The following GRM3 variants were observed in gnomAD, a reference collection of about 807,000 sequenced individuals.
GRM3 encodes the protein metabotropic glutamate receptor 3.
In GRM3, 26 loss-of-function variants were observed where a neutral mutation model predicts 70.5. The observed-to-expected ratio is 0.37, with a 90% CI of 0.27 to 0.51. The LOEUF is 0.51. GRM3 is among the 20% of genes least tolerant of loss of function. The pLI is 0.93. For missense variants in GRM3, 859 were observed against 1,123.8 expected, an observed-to-expected ratio of 0.76 and a Z score of 3.37; for synonymous variants, 443 against 434.9, an observed-to-expected ratio of 1.02 and a Z score of -0.23.
intron 2 of GRM3, among the ~76,000 whole-genome samples, chr7:86,783,218 G>A (rs1164364314): frequency 2.0e-5 from 3 of 152,196 alleles, no homozygotes; most frequent in Non-Finnish European, 4.4e-5. Flanking sequence ...AGTCTATGGT[G>A]TATACCATAA....
In GRM3 at chr7:86,833,090, T is replaced by C. The variant is rs946458773; in HGVS notation, c.1325-5749T>C. 7.1e-6 allele frequency: 7 copies of C among 980,478 alleles called. No homozygotes were observed. In the African/African-American group the frequency reaches 8.8e-5, roughly 12 times the overall value. 60.7% of individuals were successfully genotyped at this position (980,478 alleles called of 1,614,324 possible). On this transcript the variant is annotated intron_variant, in intron 3 of 5. Transcript: ENST00000361669. ...TGATGTATTTTTCCATTTCTGATGATGCTTACTCCCATGGTGAGACTTAAC... is the reference window on the plus strand; with the variant it reads ...TGATGTATTTTTCCATTTCTGATGACGCTTACTCCCATGGTGAGACTTAAC...
rs191235687 is a variant in GRM3, at chr7:86,835,850, G to A, written c.1325-2989G>A. Among the ~76,000 whole-genome samples the A allele has an allele frequency of 4.4e-3, 669 of 152,098 alleles. 4 individuals carry two copies. Among genetic ancestry groups the A allele is most frequent in the South Asian group, 0.018 (85 of 4,804 alleles). ...TGGTCCTGAACTCCTGAGCTCAAGC[G>A]ATCCACCTACCTCAGCCTCCCAAAA... On this transcript the variant is annotated intron_variant, in intron 3 of 5. Transcript: ENST00000361669.
At chr7:86,748,202 C>G (rs1699320983) in intron 1 of GRM3, among the ~76,000 whole-genome samples, 1 of 152,008 alleles carries the variant, frequency 6.6e-6, no homozygotes, top group South Asian at 2.1e-4. Context: ...CTACAGCTGA[C>G]CATCAATCCC....
At chr7:86,813,478 A>G (rs1282645225) in intron 3 of GRM3, among the ~76,000 whole-genome samples, 2 of 151,892 alleles carry the variant, frequency 1.3e-5, no homozygotes, top group Non-Finnish European at 2.9e-5. Context: ...GATACAGAGA[A>G]CAGCAGTTGA....
chr7:86,780,890 T>G (rs2116505331), intron 2 of GRM3, among the ~76,000 whole-genome samples: 1 of 152,244 alleles, frequency 6.6e-6, no homozygotes, highest in South Asian at 2.1e-4. Context: ...GTTTATGGCT[T>G]CAGAACAAAA....
intron 3 of GRM3, among the ~76,000 whole-genome samples, chr7:86,831,675 T>C: frequency 6.6e-6 from 1 of 151,454 alleles, no homozygotes. Context: ...GTATTGACAA[T>C]TTCAACAATA....
At position 86,782,637 on chromosome 7, in the gene GRM3, A is replaced by T. The variant is rs182042390; in HGVS notation, c.469-3624A>T. 2.0e-5 allele frequency among the ~76,000 whole-genome samples: 3 copies of T among 152,292 alleles called. No individual in the cohort carries two copies. The East Asian group carries it at 5.8e-4, about 29-fold the overall frequency. On this transcript the variant is annotated intron_variant, in intron 2 of 5. Coordinates refer to ENST00000361669, the MANE Select transcript of GRM3 (RefSeq NM_000840.3). ...TTTTACAGGCTTATGTCAATCTTCT[A>T]TGTTGTATATGGGGACGCCCCCAAC... is the stretch of plus-strand genomic sequence containing the variant.
chr7:86,843,121 A>T (rs868536286), intron 4 of GRM3, among the ~76,000 whole-genome samples: 1 of 152,180 alleles, frequency 6.6e-6, no homozygotes. Context: ...TGGGCAAAAA[A>T]GTGACATGAT....
At chr7:86,716,216 C>G (rs1429278300) in intron 1 of GRM3, among the ~76,000 whole-genome samples, 1 of 151,714 alleles carries the variant, frequency 6.6e-6, no homozygotes, top group Non-Finnish European at 1.5e-5. Context: ...ACTTGACCTT[C>G]TTTAATGATA....
intron 1 of GRM3, among the ~76,000 whole-genome samples, chr7:86,715,652 G>A (rs749643622): frequency 1.3e-5 from 2 of 151,890 alleles, no homozygotes; most frequent in African/African-American, 4.8e-5. Context: ...AATTATTTGT[G>A]CTCTAGATAG....
intron 1 of GRM3, among the ~76,000 whole-genome samples, chr7:86,688,518 G>A (rs988976891): frequency 2.0e-5 from 3 of 151,212 alleles, no homozygotes; most frequent in East Asian, 1.9e-4. Context: ...AGAACTAAAG[G>A]AGTCATATAC....
chr7:86,745,047 G>A (rs574048198), intron 1 of GRM3, among the ~76,000 whole-genome samples: 166 of 152,108 alleles, frequency 1.1e-3, no homozygotes, highest in African/African-American at 3.7e-3. Context: ...ACAAAGTTGG[G>A]CTTTCACATT....
intron 1 of GRM3, among the ~76,000 whole-genome samples, chr7:86,699,281 A>C (rs963852347): frequency 6.6e-6 from 1 of 152,008 alleles, no homozygotes; most frequent in Non-Finnish European, 1.5e-5. Flanking sequence ...AATTAGAAAC[A>C]ATACCTATTA....
At chr7:86,726,998 T>G (rs1584196356) in intron 1 of GRM3, among the ~76,000 whole-genome samples, 1 of 152,018 alleles carries the variant, frequency 6.6e-6, no homozygotes, top group Non-Finnish European at 1.5e-5. Context: ...ATAAGCAAGG[T>G]CCCAAGACCC....
intron 3 of GRM3, among the ~76,000 whole-genome samples, chr7:86,823,677 T>G (rs1307676768): frequency 6.8e-6 from 1 of 146,226 alleles, no homozygotes; most frequent in East Asian, 2.0e-4. Flanking sequence ...TTTCTCCTTT[T>G]CTTTTCCCGG....
At chr7:86,809,229 A>C (rs1171487134) in intron 3 of GRM3, among the ~76,000 whole-genome samples, 1 of 152,080 alleles carries the variant, frequency 6.6e-6, no homozygotes. Context: ...AGTTAAAGTT[A>C]CTTCTCATGT....
intron 1 of GRM3, among the ~76,000 whole-genome samples, chr7:86,688,308 A>T (rs1794613497): frequency 6.6e-6 from 1 of 151,752 alleles, no homozygotes; most frequent in Admixed American, 6.6e-5. Flanking sequence ...AGACAAAAAT[A>T]AGTCTACCAT....
intron 1 of GRM3, among the ~76,000 whole-genome samples, chr7:86,708,721 G>A (rs919554808): frequency 2.0e-5 from 3 of 152,074 alleles, no homozygotes; most frequent in Admixed American, 6.6e-5. Flanking sequence ...AAGCAAATCA[G>A]TTTCAAAGTA....
intron 1 of GRM3, among the ~76,000 whole-genome samples, chr7:86,689,988 T>C (rs967205884): frequency 6.6e-6 from 1 of 152,158 alleles, no homozygotes; most frequent in Non-Finnish European, 1.5e-5. Flanking sequence ...TATTCTAGGA[T>C]TGAGCAAAAG....
Sources: gnomAD v4.1 joint callset for allele counts (sites outside exome capture counted in the v4.1 genomes callset) on GRCh38, gnomAD v4.1.1 for gene constraint, MANE v1.5 for transcripts, NCBI Gene and HGNC (gene_info 2026-07-23, HGNC 2026-07-21) for gene names.